Variants in KAT6A observed in about 807,000 individuals in gnomAD.
KAT6A encodes the protein histone acetyltransferase KAT6A.
Under a neutral mutation model 198.4 loss-of-function variants are expected in KAT6A, and 9 were observed. That is an observed-to-expected ratio of 0.05 (90% CI 0.03 to 0.08). The LOEUF is 0.08. KAT6A is among the 10% of genes least tolerant of loss of function. KAT6A has a pLI of 1.00. For missense variants in KAT6A, 2,077 were observed against 2,509.9 expected (o/e 0.83, Z 3.69); for synonymous variants, 890 against 883.0 (o/e 1.01, Z -0.14).
intron 3 of KAT6A, among the ~76,000 whole-genome samples, chr8:41,986,778 C>G (rs1351504209): frequency 6.6e-6 from 1 of 152,200 alleles, no homozygotes; most frequent in Non-Finnish European, 1.5e-5. Flanking sequence ...TGGCTCACAT[C>G]TGTAATATCA....
chr8:41,958,536 G>A (rs1428196107), intron 8 of KAT6A, among the ~76,000 whole-genome samples: 1 of 152,162 alleles, frequency 6.6e-6, no homozygotes, highest in African/African-American at 2.4e-5. Flanking sequence ...TTTTAAAAAC[G>A]GGAACTTGGT....
intron 2 of KAT6A, among the ~76,000 whole-genome samples, chr8:42,013,877 G>T (rs781740758): frequency 2.0e-4 from 30 of 152,264 alleles, no homozygotes; most frequent in Non-Finnish European, 3.7e-4. Flanking sequence ...ACAGAGCAGG[G>T]TTTGGCAAAC....
At chr8:41,997,018 A>G (rs1684723540) in intron 2 of KAT6A, among the ~76,000 whole-genome samples, 2 of 152,304 alleles carry the variant, frequency 1.3e-5, no homozygotes, top group East Asian at 1.9e-4. Context: ...ACCAAAGGCC[A>G]TGGGAAGTGG....
chr8:42,039,757 G>A (rs993277560), intron 2 of KAT6A, among the ~76,000 whole-genome samples: 8 of 151,116 alleles, frequency 5.3e-5, no homozygotes, highest in Non-Finnish European at 8.8e-5. Flanking sequence ...TTTTTGAGAC[G>A]GAGTCTCACT....
chr8:42,048,948 A>G lies in KAT6A; in HGVS notation c.30T>C (p.Thr10=). Residue 10 remains threonine (T), a synonymous_variant, in exon 2 of 17, where the codon ACT becomes ACC. Transcript: ENST00000265713. ...TTTTGATGGCCTCCAAAATCCACTC[A>G]GTATAAAGCGGGTTTGCGAGTTTTA... is the stretch of plus-strand genomic sequence containing the variant. The part of the protein sequence containing the change: MVKLANPLY[T]EWILEAIKKV... 3 of 1,613,650 alleles carry G rather than the reference A, an allele frequency of 1.9e-6. No individual in the cohort carries two copies. The highest frequency in any genetic ancestry group is 1.1e-5 in the South Asian group (1 of 91,032).
At chr8:42,008,733 T>C (rs1172113140) in intron 2 of KAT6A, among the ~76,000 whole-genome samples, 1 of 152,088 alleles carries the variant, frequency 6.6e-6, no homozygotes, top group African/African-American at 2.4e-5. Context: ...ATATCTCTGT[T>C]GTCCAATACT....
At chr8:42,028,107 G>A (rs1480937247) in intron 2 of KAT6A, among the ~76,000 whole-genome samples, 2 of 152,126 alleles carry the variant, frequency 1.3e-5, no homozygotes, top group African/African-American at 2.4e-5. Flanking sequence ...TTTGGTCTAA[G>A]AAAATACATG....
rs1821539339 is a variant in KAT6A, at chr8:41,931,474, G to A, written c.*731C>T. On this transcript the variant is annotated 3_prime_UTR_variant, in exon 17 of 17. Transcript: ENST00000265713. ...TGAGTGGGAATATTTTAAAAAAGAA[G>A]AAAAAAATTATATTACACTTGATTC... 1.5e-5 allele frequency: 3 copies of A among 206,706 alleles called. No individual in the cohort carries two copies. The Admixed American group carries it at 1.8e-4, about 12-fold the overall frequency. 12.8% of individuals were successfully genotyped at this position (206,706 alleles called of 1,614,324 possible).
At chr8:41,952,624 A>G (rs986321124) in intron 9 of KAT6A, among the ~76,000 whole-genome samples, 5 of 152,198 alleles carry the variant, frequency 3.3e-5, no homozygotes, top group Admixed American at 2.0e-4. Context: ...TGATCTTTGC[A>G]TTTTTGTTTG....
At chr8:42,019,085 C>T (rs951988621) in intron 2 of KAT6A, among the ~76,000 whole-genome samples, 4 of 152,114 alleles carry the variant, frequency 2.6e-5, no homozygotes, top group Non-Finnish European at 5.9e-5. Context: ...AAAAAGGCAA[C>T]ATATCAGCAT....
Position 41,933,441 on chromosome 8 carries a change from C to T in KAT6A, c.4779G>A (p.Ser1593=), listed in dbSNP as rs149912064. Residue 1593 remains serine, a synonymous_variant, in exon 17 of 17, where the codon TCG becomes TCA. Transcript: ENST00000265713. The surrounding 1 kb of genome is among the most constrained non-coding windows in gnomAD (Gnocchi z 6.2). ...TGCTCTGGGTGAGGCTGCTGGAGGA[C>T]GACAGCCCACCGTAGGAGCAGCTGC... ...SQSSCSYGGL[S]SSSSLTQSSC... 2.2e-4 allele frequency: 348 copies of T among 1,612,450 alleles called. 4 individuals are homozygous for T. The highest frequency in any genetic ancestry group is 7.1e-4 in the South Asian group (65 of 90,944).
rs539282988 is a variant in KAT6A at position 41,939,516 on chromosome 8, G to C, written c.3039+1326C>G. 8.5e-5 allele frequency among the ~76,000 whole-genome samples: 13 copies of C among 152,262 alleles called. No individual in the cohort carries two copies. In the South Asian group the frequency reaches 2.5e-3, roughly 29 times the overall value. On this transcript the variant is annotated intron_variant, in intron 15 of 16. Coordinates refer to ENST00000265713, the MANE Select transcript of KAT6A (RefSeq NM_006766.5). The stretch of plus-strand genomic sequence containing the variant: ...CTCCCAAGTAGCTAGGATTACAAGA[G>C]TGACCACTATGCCCAGCTTCCCTAT...
At chr8:42,002,312 T>G (rs1402513408) in intron 2 of KAT6A, among the ~76,000 whole-genome samples, 4 of 152,232 alleles carry the variant, frequency 2.6e-5, no homozygotes, top group Admixed American at 6.5e-5. Flanking sequence ...TCCTGTATAT[T>G]GTTTTCAGCT....
At chr8:42,005,088 G>A (rs1430581580) in intron 2 of KAT6A, among the ~76,000 whole-genome samples, 1 of 152,030 alleles carries the variant, frequency 6.6e-6, no homozygotes, top group Non-Finnish European at 1.5e-5. Flanking sequence ...ACAATCCATT[G>A]TATGACTAGG....
intron 9 of KAT6A, among the ~76,000 whole-genome samples, chr8:41,955,060 A>G (rs1822858168): frequency 6.6e-6 from 1 of 152,062 alleles, no homozygotes; most frequent in Non-Finnish European, 1.5e-5. Context: ...TTTTATTGTG[A>G]CCATGCATTC....
At chr8:42,005,928 A>G (rs1017438172) in intron 2 of KAT6A, among the ~76,000 whole-genome samples, 3 of 152,232 alleles carry the variant, frequency 2.0e-5, no homozygotes, top group African/African-American at 7.2e-5. Flanking sequence ...AAATGATTTC[A>G]GTTCTTGGGG....
chr8:42,004,644 G>A (rs1025881937), intron 2 of KAT6A, among the ~76,000 whole-genome samples: 3 of 152,090 alleles, frequency 2.0e-5, no homozygotes, highest in African/African-American at 7.2e-5. Flanking sequence ...TCACTACTTC[G>A]GCCGGGTGCG....
At position 41,940,958 on chromosome 8, in the gene KAT6A, C is replaced by G. The variant is rs1200107377; in HGVS notation, c.2923G>C (p.Glu975Gln). 2 of 1,614,246 alleles carry G rather than the reference C, an allele frequency of 1.2e-6. No homozygotes were observed. The change falls in exon 15 of 17, where the codon GAG (glutamate) becomes CAG (glutamine). Residue 975 changes from glutamate (E) to glutamine (Q), a missense_variant. Glu to Gln is a conservative substitution (Grantham distance 29). This residue lies in a region of KAT6A where 301 missense variants were observed against 272.2 expected (regional missense o/e 1.11). Transcript: ENST00000265713. ...CCCCTGAGGACAGCCCTGTCACCCT[C>G]ACTGTAGCGACGGGGCAGCCTCTCA... ...GSERLPRRYS[E>Q]GDRAVLRGFS...
intron 8 of KAT6A, 122 bp downstream of exon 8, chr8:41,974,582 A>G: frequency 1.5e-6 from 1 of 645,474 alleles, no homozygotes; most frequent in Non-Finnish European, 2.8e-6. Context: ...TATACACACA[A>G]ACCACAACTA....
Sources: gnomAD v4.1 joint callset for allele counts (sites outside exome capture counted in the v4.1 genomes callset) on GRCh38, gnomAD v4.1.1 for gene constraint, gnomAD v4.1.1 regional missense constraint, Gnocchi (gnomAD v3.1) non-coding constraint, MANE v1.5 for transcripts, NCBI Gene and HGNC (gene_info 2026-07-23, HGNC 2026-07-21) for gene names.